The following SCN9A variants were observed in gnomAD, a reference collection of about 807,000 sequenced individuals.
The protein encoded by SCN9A is sodium channel protein type 9 subunit alpha.
Under a neutral mutation model 187.0 loss-of-function variants are expected in SCN9A, and 131 were observed. That is an observed-to-expected ratio of 0.70 (90% CI 0.61 to 0.81). SCN9A has a LOEUF of 0.81. SCN9A is among the 30% of genes least tolerant of loss of function. The probability of loss-of-function intolerance (pLI) is 0.00; values close to 1 mark genes in which losing one functional copy is unlikely to be tolerated. For synonymous variants in SCN9A, 809 were observed against 808.6 expected (o/e 1.00, Z -0.01); for missense variants, 2,252 against 2,396.6 (o/e 0.94, Z 1.26).
intron 24 of SCN9A, among the ~76,000 whole-genome samples, chr2:166,217,606 A>T (rs1350941964): frequency 6.6e-6 from 1 of 152,152 alleles, no homozygotes; most frequent in Non-Finnish European, 1.5e-5. Flanking sequence ...TAGATATATT[A>T]AAAAATGCTC....
chr2:166,268,049 G>C (rs1696816628), intron 17 of SCN9A, among the ~76,000 whole-genome samples: 1 of 151,916 alleles, frequency 6.6e-6, no homozygotes, highest in African/African-American at 2.4e-5. Flanking sequence ...AATTCAATCT[G>C]TAACCAATAG....
At chr2:166,275,824 TTGTG>T in intron 16 of SCN9A, among the ~76,000 whole-genome samples, 1 of 152,176 alleles carries the variant, frequency 6.6e-6, no homozygotes, top group Non-Finnish European at 1.5e-5. Context: ...ATAAATGCCT[TTGTG>T]TATGTCTGGC....
intron 1 of SCN9A, among the ~76,000 whole-genome samples, chr2:166,342,230 C>A (rs982924738): frequency 6.6e-6 from 1 of 152,090 alleles, no homozygotes. Context: ...CGTTTAGAAT[C>A]TTTGGGCTAT....
At chr2:166,234,626 AAGCTACGTATTT>A in intron 20 of SCN9A, among the ~76,000 whole-genome samples, 1 of 152,224 alleles carries the variant, frequency 6.6e-6, no homozygotes, top group African/African-American at 2.4e-5. Context: ...TAAATTCCTA[AAGCTACGTATTT>A]AGCAGAATAA....
chr2:166,352,929 T>C (rs1700073039), intron 1 of SCN9A, among the ~76,000 whole-genome samples: 1 of 152,160 alleles, frequency 6.6e-6, no homozygotes, highest in African/African-American at 2.4e-5. Flanking sequence ...ACTTGAGTGT[T>C]TGAAGTTGTT....
chr2:166,340,646 T>C (rs1368787586), intron 1 of SCN9A, among the ~76,000 whole-genome samples: 2 of 149,958 alleles, frequency 1.3e-5, no homozygotes, highest in Non-Finnish European at 3.0e-5. Flanking sequence ...TTTTTGATAG[T>C]GTATTTCTGT....
chr2:166,233,242 G>A, intron 21 of SCN9A, 98 bp downstream of exon 21: 2 of 846,872 alleles, frequency 2.4e-6, no homozygotes, highest in Non-Finnish European at 3.4e-6. Flanking sequence ...ATGTATTTAT[G>A]TAAACAGAAA....
intron 1 of SCN9A, among the ~76,000 whole-genome samples, chr2:166,315,936 T>A (rs957538071): frequency 6.6e-6 from 1 of 152,148 alleles, no homozygotes; most frequent in Non-Finnish European, 1.5e-5. Flanking sequence ...AATATTTAAA[T>A]GGAAAAATAA....
Position 166,251,885 on chromosome 2 carries a change from T to G in SCN9A, c.3352A>C (p.Arg1118=). 6.2e-7 allele frequency: 1 copy of G among 1,612,092 alleles called. No individual in the cohort carries two copies. Among genetic ancestry groups the G allele is most frequent in the Non-Finnish European group, 8.5e-7 (1 of 1,178,850 alleles). The part of the protein sequence containing the change: ...SDSDSEYSKV[R]LNRSSSSECS... ...TCTGAGGAGCTTGACCGGTTTAATC[T>G]CTAGAAAGGAATTCACCACCCCACC... The change falls in exon 18 of 27, where the codon AGA becomes CGA. Residue 1118 remains arginine (R), a splice_region_variant and synonymous_variant. Transcript: ENST00000642356.
chr2:166,222,965 A>G (rs1197442698), intron 24 of SCN9A, among the ~76,000 whole-genome samples: 1 of 142,422 alleles, frequency 7.0e-6, no homozygotes. Context: ...AAAAAAAAAA[A>G]AAAAAAACAG....
At chr2:166,238,815 G>T (rs1406857885) in intron 19 of SCN9A, among the ~76,000 whole-genome samples, 1 of 151,956 alleles carries the variant, frequency 6.6e-6, no homozygotes, top group Non-Finnish European at 1.5e-5. Flanking sequence ...AACACAGAGG[G>T]TGCTTTTTCC....
At chr2:166,341,344 A>G (rs985300136) in intron 1 of SCN9A, among the ~76,000 whole-genome samples, 1 of 152,226 alleles carries the variant, frequency 6.6e-6, no homozygotes, top group Non-Finnish European at 1.5e-5. Context: ...CAAAGGTGAC[A>G]TTGAGATTTA....
intron 17 of SCN9A, among the ~76,000 whole-genome samples, chr2:166,261,870 T>A (rs1489083924): frequency 6.6e-6 from 1 of 152,000 alleles, no homozygotes; most frequent in Non-Finnish European, 1.5e-5. Flanking sequence ...AAATCAATTC[T>A]ACTTAATACA....
rs960219092 is a variant in SCN9A at position 166,242,396 on chromosome 2, G to A, written c.3627+106C>T. On this transcript the variant is annotated intron_variant, in intron 19 of 26. Coordinates refer to ENST00000642356, the MANE Select transcript of SCN9A (RefSeq NM_001365536.1). ...ATTTTGTCATTGGCACTAATCATAGGGATTAATTCTAGGTAAAACAACTTG... is the reference window on the plus strand; with the variant it reads ...ATTTTGTCATTGGCACTAATCATAGAGATTAATTCTAGGTAAAACAACTTG... The A allele has an allele frequency of 1.6e-5, 16 of 995,928 alleles. 2 individuals carry two copies. Among genetic ancestry groups the A allele is most frequent in the Middle Eastern group, 2.2e-4 (1 of 4,570 alleles). The allele number at this position is 995,928 out of a possible 1,614,324, so 61.7% of individuals were successfully genotyped here.
chr2:166,213,060 T>G (rs576591516), intron 24 of SCN9A, among the ~76,000 whole-genome samples: 1 of 152,090 alleles, frequency 6.6e-6, no homozygotes, highest in South Asian at 2.1e-4. Context: ...ACAATATAGA[T>G]TTACATGTCT....
intron 17 of SCN9A, among the ~76,000 whole-genome samples, chr2:166,253,876 A>T (rs751991830): frequency 5.3e-5 from 8 of 151,818 alleles, no homozygotes; most frequent in African/African-American, 1.9e-4. Context: ...GGAAATAGTT[A>T]TAATGGTTTT....
intron 1 of SCN9A, among the ~76,000 whole-genome samples, chr2:166,367,721 A>T (rs1700453147): frequency 6.6e-6 from 1 of 152,216 alleles, no homozygotes; most frequent in Non-Finnish European, 1.5e-5. Flanking sequence ...GTAGTGCAAT[A>T]ATACTCCTAG....
Position 166,344,371 on chromosome 2 carries a change from A to G in SCN9A, c.-51+31326T>C, listed in dbSNP as rs569098216. ...ACTACTAAAAAAGATACCATTAACT[A>G]TCACCTGGGAGTCAACATGAATATG... On this transcript the variant is annotated intron_variant, in intron 1 of 26. Transcript: ENST00000642356. Among the ~76,000 whole-genome samples, 3 of 152,336 alleles carry G rather than the reference A, an allele frequency of 2.0e-5. No homozygotes were observed. The South Asian group carries it at 6.2e-4, about 32-fold the overall frequency.
chr2:166,252,141 A>G lies in SCN9A; in HGVS notation c.3352-256T>C, dbSNP rs192806483. ...TATTATACTAACAAGTACGTGGCCAAAATTAGATAAGGTAATATATTGATG... is the reference window on the plus strand; with the variant it reads ...TATTATACTAACAAGTACGTGGCCAGAATTAGATAAGGTAATATATTGATG... On this transcript the variant is annotated intron_variant, in intron 17 of 26. Transcript: ENST00000642356. Among the ~76,000 whole-genome samples, 500 of 152,108 alleles carry G rather than the reference A, an allele frequency of 3.3e-3. 3 individuals carry two copies. Among genetic ancestry groups the G allele is most frequent in the Non-Finnish European group, 4.9e-3 (334 of 67,950 alleles).
Sources: gnomAD v4.1 joint callset for allele counts (sites outside exome capture counted in the v4.1 genomes callset) on GRCh38, gnomAD v4.1.1 for gene constraint, MANE v1.5 for transcripts, NCBI Gene and HGNC (gene_info 2026-07-23, HGNC 2026-07-21) for gene names.